Variants in SRPK2 observed in about 807,000 individuals in gnomAD.
The protein encoded by SRPK2 is SFRS protein kinase 2.
SRPK2 carries 21 observed loss-of-function variants against 90.8 expected under a neutral mutation model. The ratio of observed to expected loss-of-function variants is 0.23; its 90% CI spans 0.16 to 0.33. The LOEUF (loss-of-function observed/expected upper bound fraction) is 0.33, where lower values mean the gene tolerates loss of function less well. Among genes scored for constraint, SRPK2 ranks in the 10% least tolerant of loss-of-function variants. SRPK2 has a pLI of 1.00. For missense variants in SRPK2, 620 were observed against 869.0 expected, an observed-to-expected ratio of 0.71 and a Z score of 3.60; for synonymous variants, 288 against 311.1, an observed-to-expected ratio of 0.93 and a Z score of 0.78.
intron 2 of SRPK2, among the ~76,000 whole-genome samples, chr7:105,338,668 G>A (rs1180967115): frequency 6.6e-6 from 1 of 152,120 alleles, no homozygotes; most frequent in Non-Finnish European, 1.5e-5. Context: ...ACTTTTATCA[G>A]GGGTTAAATT....
intron 3 of SRPK2, among the ~76,000 whole-genome samples, chr7:105,188,230 A>T (rs1793834222): frequency 6.6e-6 from 1 of 152,242 alleles, no homozygotes; most frequent in African/African-American, 2.4e-5. Context: ...CATTATAAGT[A>T]AAAGAAGCCA....
intron 2 of SRPK2, among the ~76,000 whole-genome samples, chr7:105,371,963 C>T (rs1257251322): frequency 6.6e-6 from 1 of 151,648 alleles, no homozygotes; most frequent in East Asian, 1.9e-4. Flanking sequence ...TGAAACCCCA[C>T]CTCTACTAAA....
chr7:105,172,082 C>T (rs1307543190), intron 3 of SRPK2, among the ~76,000 whole-genome samples: 3 of 152,066 alleles, frequency 2.0e-5, no homozygotes, highest in Non-Finnish European at 4.4e-5. Flanking sequence ...TTAGTAGAGA[C>T]AGGGTTTTGC....
chr7:105,396,004 C>A (rs1822311458), intron 1 of SRPK2, among the ~76,000 whole-genome samples: 1 of 152,058 alleles, frequency 6.6e-6, no homozygotes, highest in African/African-American at 2.4e-5. Flanking sequence ...CAACCTCCGC[C>A]TCCCAGGTTC....
intron 2 of SRPK2, among the ~76,000 whole-genome samples, chr7:105,381,895 C>T (rs555977907): frequency 2.7e-4 from 41 of 152,222 alleles, no homozygotes; most frequent in Non-Finnish European, 4.7e-4. Context: ...AAGCTGGGCA[C>T]GGTGGCTCAC....
intron 2 of SRPK2, among the ~76,000 whole-genome samples, chr7:105,363,934 A>C (rs1418174700): frequency 1.3e-5 from 2 of 152,006 alleles, no homozygotes; most frequent in Non-Finnish European, 2.9e-5. Flanking sequence ...TATCACAAGG[A>C]CAGAAAACCA....
chr7:105,370,886 G>A (rs1819619071), intron 2 of SRPK2, among the ~76,000 whole-genome samples: 1 of 151,906 alleles, frequency 6.6e-6, no homozygotes, highest in African/African-American at 2.4e-5. Context: ...AAAGTGCTAG[G>A]ATTACAGGCA....
chr7:105,399,239 C>G (rs1563330672), exon 1 of SRPK2: 1 of 152,186 alleles, frequency 6.6e-6, no homozygotes, highest in South Asian at 2.1e-4. Flanking sequence ...GAAGGCTTGA[C>G]GGAGGCTGAA....
intron 2 of SRPK2, among the ~76,000 whole-genome samples, chr7:105,225,563 T>C (rs1333298463): frequency 6.6e-6 from 1 of 152,246 alleles, no homozygotes; most frequent in African/African-American, 2.4e-5. Flanking sequence ...CCTATATTTT[T>C]AGTCAGATCA....
At chr7:105,169,572 C>T (rs1790536923) in intron 3 of SRPK2, among the ~76,000 whole-genome samples, 1 of 151,998 alleles carries the variant, frequency 6.6e-6, no homozygotes, top group African/African-American at 2.4e-5. Context: ...ACGAAAAATA[C>T]AAAAATCAGC....
At position 105,263,193 on chromosome 7, in the gene SRPK2, C is replaced by G. The variant is rs1418223075; in HGVS notation, c.72-59408G>C. ...CAAAAATTAGCCGGGCGTGGTGGCG[C>G]GGGCCTGTAATCCCAGCTACTCTGG... is the stretch of plus-strand genomic sequence containing the variant. On this transcript the variant is annotated intron_variant, in intron 2 of 15. Transcript: ENST00000393651. 2.6e-5 allele frequency among the ~76,000 whole-genome samples: 4 copies of G among 151,916 alleles called. No individual in the cohort carries two copies. In the East Asian group the frequency reaches 7.7e-4, roughly 29 times the overall value.
intron 7 of SRPK2, among the ~76,000 whole-genome samples, chr7:105,149,060 T>G (rs911808109): frequency 6.6e-6 from 1 of 152,192 alleles, no homozygotes; most frequent in African/African-American, 2.4e-5. Flanking sequence ...GAGAAAGACC[T>G]GACCGTCCCC....
chr7:105,305,447 A>G (rs1811043754), intron 2 of SRPK2, among the ~76,000 whole-genome samples: 1 of 152,128 alleles, frequency 6.6e-6, no homozygotes, highest in Non-Finnish European at 1.5e-5. Flanking sequence ...TCACAAAAAA[A>G]ATTTTCTGCT....
At chr7:105,211,258 A>T (rs1018586212) in intron 2 of SRPK2, among the ~76,000 whole-genome samples, 11 of 150,944 alleles carry the variant, frequency 7.3e-5, no homozygotes, top group South Asian at 2.1e-4. Context: ...TTTTTTTTTT[A>T]AATAATTGAA....
At chr7:105,342,821 CAAG>C (rs1270944072) in intron 2 of SRPK2, among the ~76,000 whole-genome samples, 1 of 151,690 alleles carries the variant, frequency 6.6e-6, no homozygotes, top group African/African-American at 2.4e-5. Flanking sequence ...TTCAAATAAA[CAAG>C]AAGAGGAAAG....
At chr7:105,283,111 A>C (rs1045670791) in intron 2 of SRPK2, among the ~76,000 whole-genome samples, 2 of 152,218 alleles carry the variant, frequency 1.3e-5, no homozygotes, top group African/African-American at 4.8e-5. Flanking sequence ...CTTCACAACC[A>C]AGAGGGCTAT....
At chr7:105,379,157 AT>A (rs879332601) in intron 2 of SRPK2, among the ~76,000 whole-genome samples, 38 of 144,276 alleles carry the variant, frequency 2.6e-4, no homozygotes, top group Middle Eastern at 3.4e-3. Context: ...CTAAAAAAAA[AT>A]ATATATATAT....
At chr7:105,149,950 T>A (rs1805376362) in intron 7 of SRPK2, among the ~76,000 whole-genome samples, 1 of 152,134 alleles carries the variant, frequency 6.6e-6, no homozygotes, top group African/African-American at 2.4e-5. Context: ...GTGTTTGATA[T>A]ATAAAAGCTC....
intron 2 of SRPK2, among the ~76,000 whole-genome samples, chr7:105,228,265 T>G (rs1798968385): frequency 2.0e-5 from 3 of 152,232 alleles, no homozygotes; most frequent in South Asian, 4.1e-4. Context: ...ATTAATGGGC[T>G]GTCACTAGAA....
Sources: allele counts gnomAD v4.1 joint callset (sites outside exome capture counted in the v4.1 genomes callset), GRCh38; gene constraint gnomAD v4.1.1; transcripts MANE v1.5; gene names NCBI Gene and HGNC (gene_info 2026-07-23, HGNC 2026-07-21).